The following LPL variants were observed in gnomAD, a reference collection of about 807,000 sequenced individuals.
The protein encoded by LPL is lipoprotein lipase.
A neutral mutation model predicts 52.2 loss-of-function variants in LPL; 43 were observed. That is an observed-to-expected ratio of 0.82 (90% confidence interval 0.64 to 1.06). LPL has a LOEUF of 1.06. LPL is among the 50% of genes least tolerant of loss of function. The pLI is 0.00. For synonymous variants in LPL, 244 were observed against 215.6 expected (o/e 1.13, Z -1.15); for missense variants, 639 against 585.3 (o/e 1.09, Z -0.95).
chr8:19,955,745 T>C (rs569493581), intron 5 of LPL, 96 bp from the exon 6 acceptor site: 34 of 1,488,040 alleles, frequency 2.3e-5, no homozygotes, highest in African/African-American at 9.6e-5. Flanking sequence ...GTGATTCTAC[T>C]CTAACACCAC....
At chr8:19,942,777 GC>G (rs1315796873) in intron 1 of LPL, among the ~76,000 whole-genome samples, 1 of 152,136 alleles carries the variant, frequency 6.6e-6, no homozygotes, top group Non-Finnish European at 1.5e-5. Context: ...CTGTCTTGTG[GC>G]CATTTTAAGA....
chr8:19,953,980 G>A (rs1368161361), intron 4 of LPL, 140 bp from the exon 5 acceptor site: 7 of 715,004 alleles, frequency 9.8e-6, no homozygotes, highest in South Asian at 6.3e-5. Flanking sequence ...GTCTCTCTAA[G>A]TAAAGATACC....
intron 2 of LPL, 25 bp from the exon 3 acceptor site, chr8:19,951,744 A>G: frequency 4.3e-6 from 7 of 1,613,964 alleles, no homozygotes; most frequent in Non-Finnish European, 5.1e-6. Flanking sequence ...GGGTATTTTA[A>G]GAAAGCTTGT....
In LPL at chr8:19,966,538, G is replaced by C. The variant is rs1028492509; in HGVS notation, c.*1228G>C. On this transcript the variant is annotated 3_prime_UTR_variant, in exon 10 of 10. Coordinates refer to ENST00000650287, the MANE Select transcript of LPL (RefSeq NM_000237.3). ...CCTATTTTTCAGAATGCTCTTCTAC[G>C]TATAAATATGAAATGATAAAGATGT... 6.6e-6 allele frequency: 1 copy of C among 152,114 alleles called. No homozygotes were observed. Among genetic ancestry groups the C allele is most frequent in the African/African-American group, 2.4e-5 (1 of 41,424 alleles). 9.4% of individuals were successfully genotyped at this position (152,114 alleles called of 1,614,324 possible). A position where few individuals can be genotyped will look rare whatever the true frequency, so the allele number is the denominator to read the frequency against.
chr8:19,965,319 G>C lies in LPL; in HGVS notation c.*9G>C. ...CTGTGCTTTTTCTCAGAAACTGGGC[G>C]AATCTACAGAACAAAGAACGGCATG... On this transcript the variant is annotated 3_prime_UTR_variant, in exon 10 of 10. Coordinates refer to ENST00000650287, the MANE Select transcript of LPL (RefSeq NM_000237.3). The C allele has an allele frequency of 1.3e-6, 1 of 780,314 alleles. No homozygotes were observed. Among genetic ancestry groups the C allele is most frequent in the South Asian group, 1.3e-5 (1 of 74,492 alleles). 48.3% of individuals were successfully genotyped at this position (780,314 alleles called of 1,614,324 possible). A position where few individuals can be genotyped will look rare whatever the true frequency, so the allele number is the denominator to read the frequency against.
chr8:19,952,300 G>C (rs1427283825), intron 3 of LPL, among the ~76,000 whole-genome samples: 1 of 152,182 alleles, frequency 6.6e-6, no homozygotes, highest in Non-Finnish European at 1.5e-5. Flanking sequence ...CTGGCCTGTG[G>C]ACATCTTATC....
At chr8:19,940,994 C>T (rs950203900) in intron 1 of LPL, among the ~76,000 whole-genome samples, 1 of 152,096 alleles carries the variant, frequency 6.6e-6, no homozygotes, top group African/African-American at 2.4e-5. Flanking sequence ...AGTCAGCAGG[C>T]TGAGAGATCA....
chr8:19,965,288 T>A, intron 9 of LPL, 22 bp from the exon 10 acceptor site: 1 of 780,378 alleles, frequency 1.3e-6, no homozygotes, highest in Non-Finnish European at 2.4e-6. Flanking sequence ...TAAATTGCCC[T>A]TTTTCCTGTG....
chr8:19,942,999 T>TG (rs1262769369), intron 1 of LPL, among the ~76,000 whole-genome samples: 1 of 152,194 alleles, frequency 6.6e-6, no homozygotes, highest in Non-Finnish European at 1.5e-5. Context: ...TTTGACTGTT[T>TG]GAATGAATAA....
intron 7 of LPL, 65 bp downstream of exon 7, chr8:19,959,445 A>T: frequency 1.3e-6 from 2 of 1,580,700 alleles, no homozygotes; most frequent in Non-Finnish European, 1.7e-6. Flanking sequence ...CCTTGGTCTG[A>T]GCAGCAGAAG....
chr8:19,941,119 T>C (rs996021454), intron 1 of LPL, among the ~76,000 whole-genome samples: 10 of 151,972 alleles, frequency 6.6e-5, no homozygotes, highest in African/African-American at 2.2e-4. Flanking sequence ...AAACAAACAC[T>C]AAGTATAGAT....
chr8:19,939,282 C>T lies in LPL; in HGVS notation c.-159C>T. 4 of 647,742 alleles carry T rather than the reference C, an allele frequency of 6.2e-6. No individual in the cohort carries two copies. The highest frequency in any genetic ancestry group is 1.1e-5 in the Non-Finnish European group (4 of 364,842). The allele number at this position is 647,742 out of a possible 1,614,324, so 40.1% of individuals were successfully genotyped here. A position where few individuals can be genotyped will look rare whatever the true frequency, so the allele number is the denominator to read the frequency against. ...GACTCGATTCCCCCTCTTCCTCCTC[C>T]TCAAGGGAAAGCTGCCCACTTCTAG... is the stretch of plus-strand genomic sequence containing the variant. On this transcript the variant is annotated 5_prime_UTR_variant, in exon 1 of 10. Coordinates refer to ENST00000650287, the MANE Select transcript of LPL (RefSeq NM_000237.3). The surrounding 1 kb of genome is among the most constrained non-coding windows in gnomAD (Gnocchi z 4.0).
intron 7 of LPL, 24 bp from the exon 8 acceptor site, chr8:19,960,877 C>A: frequency 6.2e-7 from 1 of 1,603,274 alleles, no homozygotes; most frequent in South Asian, 1.1e-5. Context: ...TATAACTAAC[C>A]AAATTTATTG....
intron 3 of LPL, among the ~76,000 whole-genome samples, chr8:19,952,156 C>T (rs963526413): frequency 6.6e-6 from 1 of 152,146 alleles, no homozygotes; most frequent in African/African-American, 2.4e-5. Flanking sequence ...TCCTGCCCTG[C>T]TCTATCGTTT....
chr8:19,955,612 A>G (rs879704978), intron 5 of LPL, among the ~76,000 whole-genome samples: 1 of 152,194 alleles, frequency 6.6e-6, no homozygotes, highest in Non-Finnish European at 1.5e-5. Context: ...AAGAAGCACA[A>G]AAGTCAAAAA....
Position 19,939,668 on chromosome 8 carries a change from A to AT in LPL, c.88+140_88+141insT. 1 of 858,904 alleles carries AT rather than the reference A, an allele frequency of 1.2e-6. No individual in the cohort carries two copies. Among genetic ancestry groups the AT allele is most frequent in the Non-Finnish European group, 1.8e-6 (1 of 557,416 alleles). 53.2% of individuals were successfully genotyped at this position (858,904 alleles called of 1,614,324 possible). ...TCTCCCAGCCTGGGCTCTAGCCCCGAAACGGTCCCCGGAGTGGGATCCAGG... is the reference window on the plus strand; with the variant it reads ...TCTCCCAGCCTGGGCTCTAGCCCCGATAACGGTCCCCGGAGTGGGATCCAGG... On this transcript the variant is annotated intron_variant, in intron 1 of 9. Coordinates refer to ENST00000650287, the MANE Select transcript of LPL (RefSeq NM_000237.3). The surrounding 1 kb of genome is among the most constrained non-coding windows in gnomAD (Gnocchi z 4.0).
chr8:19,947,698 G>T (rs889790663), intron 1 of LPL, among the ~76,000 whole-genome samples: 3 of 123,252 alleles, frequency 2.4e-5, no homozygotes, highest in African/African-American at 9.3e-5. Flanking sequence ...TGGAACTATA[G>T]CACACAAGAG....
chr8:19,966,645 G>C lies in LPL; in HGVS notation c.*1335G>C, dbSNP rs1443228459. On this transcript the variant is annotated 3_prime_UTR_variant, in exon 10 of 10. Coordinates refer to ENST00000650287, the MANE Select transcript of LPL (RefSeq NM_000237.3). ...ACACATACTAGAAAGCTCTGCATGT[G>C]TGTTGTCCTTCAGCATAATTCGGAA... 6.6e-6 allele frequency: 1 copy of C among 152,222 alleles called. No individual in the cohort carries two copies. The highest frequency in any genetic ancestry group is 2.4e-5 in the African/African-American group (1 of 41,450). The allele number at this position is 152,222 out of a possible 1,614,324, so 9.4% of individuals were successfully genotyped here.
intron 1 of LPL, among the ~76,000 whole-genome samples, chr8:19,943,806 G>C (rs951526437): frequency 6.6e-6 from 1 of 152,110 alleles, no homozygotes; most frequent in Non-Finnish European, 1.5e-5. Flanking sequence ...TGGAAGGTTA[G>C]CCCTAATATT....
Sources: gnomAD v4.1 joint callset for allele counts (sites outside exome capture counted in the v4.1 genomes callset) on GRCh38, gnomAD v4.1.1 for gene constraint, Gnocchi (gnomAD v3.1) non-coding constraint, MANE v1.5 for transcripts, NCBI Gene and HGNC (gene_info 2026-07-23, HGNC 2026-07-21) for gene names.